The following WLS variants were observed in gnomAD, a reference collection of about 807,000 sequenced individuals.
The protein encoded by WLS is protein wntless homolog.
WLS carries 23 observed loss-of-function variants against 62.8 expected under a neutral mutation model. The ratio of observed to expected loss-of-function variants is 0.37; its 90% CI spans 0.26 to 0.52. WLS has a LOEUF of 0.52. WLS is among the 20% of genes least tolerant of loss of function. WLS has a pLI of 0.92. For missense variants in WLS, 615 were observed against 697.3 expected (o/e 0.88, Z 1.33); for synonymous variants, 246 against 244.1 (o/e 1.01, Z -0.07).
chr1:68,116,006 C>T (rs554578803), intron 11 of WLS, among the ~76,000 whole-genome samples: 5 of 152,214 alleles, frequency 3.3e-5, no homozygotes, highest in Non-Finnish European at 5.9e-5. Context: ...CTCTCCCCTG[C>T]AGCTGTCCTG....
intron 2 of WLS, among the ~76,000 whole-genome samples, chr1:68,183,847 A>C (rs1191120192): frequency 6.6e-6 from 1 of 152,106 alleles, no homozygotes; most frequent in Non-Finnish European, 1.5e-5. Context: ...TTAACTAGAA[A>C]TTTGTTATAC....
At chr1:68,173,522 C>G (rs1403085512) in intron 2 of WLS, among the ~76,000 whole-genome samples, 1 of 152,132 alleles carries the variant, frequency 6.6e-6, no homozygotes, top group Non-Finnish European at 1.5e-5. Context: ...CATTGTCATA[C>G]AGTAACCAGG....
chr1:68,100,198 G>T (rs1256297467), intron 11 of WLS, among the ~76,000 whole-genome samples: 1 of 152,164 alleles, frequency 6.6e-6, no homozygotes, highest in African/African-American at 2.4e-5. Context: ...GAAAGTCTAG[G>T]GGCCAAGCTC....
downstream of WLS, chr1:68,121,002 C>A (rs1646358043): frequency 6.6e-6 from 1 of 152,144 alleles, no homozygotes; most frequent in African/African-American, 2.4e-5. Context: ...AAAAATATTG[C>A]TGAATACAGA....
chr1:68,104,389 T>C (rs970015919), intron 11 of WLS, among the ~76,000 whole-genome samples: 2 of 152,272 alleles, frequency 1.3e-5, no homozygotes, highest in African/African-American at 4.8e-5. Flanking sequence ...ATAGTTCCAT[T>C]AATGCAGCTG....
At chr1:68,231,561 C>A in intron 1 of WLS, 1 of 298,918 alleles carries the variant, frequency 3.3e-6, no homozygotes. Context: ...CCCCATCCCA[C>A]CCAACCTCCC....
chr1:68,226,148 A>C (rs1293042175), intron 1 of WLS, among the ~76,000 whole-genome samples: 18 of 152,354 alleles, frequency 1.2e-4, no homozygotes, highest in East Asian at 7.7e-4. Context: ...GATTATAAAA[A>C]TGAGAAATCA....
intron 6 of WLS, 129 bp from the exon 7 acceptor site, chr1:68,148,789 G>T: frequency 1.3e-6 from 1 of 765,374 alleles, no homozygotes; most frequent in Non-Finnish European, 2.1e-6. Flanking sequence ...TAGATTCTAG[G>T]TATGAGAACA....
Position 68,125,957 on chromosome 1 carries a change from A to T in WLS, c.*269T>A. 1 of 1,205,622 alleles carries T rather than the reference A, an allele frequency of 8.3e-7. No homozygotes were observed. The allele number at this position is 1,205,622 out of a possible 1,614,324, so 74.7% of individuals were successfully genotyped here. A position where few individuals can be genotyped will look rare whatever the true frequency, so the allele number is the denominator to read the frequency against. On this transcript the variant is annotated 3_prime_UTR_variant, in exon 12 of 12. Coordinates refer to ENST00000262348, the MANE Select transcript of WLS (RefSeq NM_024911.7). Reference sequence around the variant, plus strand: ...TTACTAACCAGCTGCTACAGATGTTACTATGTCACTAATTAACAATGATCA... The same window carrying T: ...TTACTAACCAGCTGCTACAGATGTTTCTATGTCACTAATTAACAATGATCA...
intron 2 of WLS, among the ~76,000 whole-genome samples, chr1:68,180,697 T>C (rs1647513737): frequency 6.6e-6 from 1 of 152,134 alleles, no homozygotes; most frequent in Non-Finnish European, 1.5e-5. Context: ...ACAGCCTCTG[T>C]ACACTAGTGA....
intron 11 of WLS, among the ~76,000 whole-genome samples, chr1:68,127,826 G>C (rs1237720552): frequency 6.6e-6 from 1 of 152,162 alleles, no homozygotes. Context: ...TTTAAGAACT[G>C]CTAGGCATCA....
chr1:68,208,925 C>A (rs906716863), intron 1 of WLS, among the ~76,000 whole-genome samples: 5 of 152,164 alleles, frequency 3.3e-5, no homozygotes, highest in Admixed American at 6.5e-5. Context: ...GGGCTTCTCA[C>A]AATCAGAGAG....
At chr1:68,209,453 G>A (rs969378901) in intron 1 of WLS, among the ~76,000 whole-genome samples, 2 of 152,202 alleles carry the variant, frequency 1.3e-5, no homozygotes, top group South Asian at 4.1e-4. Context: ...CATTGTGCTA[G>A]GGACTTAACA....
intron 1 of WLS, among the ~76,000 whole-genome samples, chr1:68,213,632 G>A (rs1649610515): frequency 2.0e-5 from 3 of 151,832 alleles, no homozygotes; most frequent in Admixed American, 2.0e-4. Flanking sequence ...TGCACATCAA[G>A]TTGTATTTCA....
At chr1:68,122,514 A>G (rs1570827963), downstream of WLS, among the ~76,000 whole-genome samples, 3 of 152,336 alleles carry the variant, frequency 2.0e-5, no homozygotes, top group East Asian at 5.8e-4. Context: ...TTTCAGTTTG[A>G]TATAGCAATT....
intron 2 of WLS, among the ~76,000 whole-genome samples, chr1:68,177,571 A>C (rs544727015): frequency 6.6e-6 from 1 of 152,250 alleles, no homozygotes; most frequent in East Asian, 1.9e-4. Flanking sequence ...GCAGGAGGGC[A>C]GTGGCGCAAC....
rs1355481712 is a variant in WLS, at chr1:68,155,115, T to A, written c.650A>T (p.Lys217Met). 6.2e-7 allele frequency: 1 copy of A among 1,613,764 alleles called. No individual in the cohort carries two copies. The highest frequency in any genetic ancestry group is 8.5e-7 in the Non-Finnish European group (1 of 1,179,902). The change falls in exon 4 of 12, where the codon AAG (lysine) becomes ATG (methionine). Residue 217 changes from lysine to methionine, a missense_variant. Coordinates refer to ENST00000262348, the MANE Select transcript of WLS (RefSeq NM_024911.7). ...KKINVGIGEI[K>M]DIRLVGIHQN... Reference sequence around the variant, plus strand: ...TTCACTTACCACCAACCGGATATCCTTTATCTCCCCAATTCCCACATTGAT... The same window carrying A: ...TTCACTTACCACCAACCGGATATCCATTATCTCCCCAATTCCCACATTGAT...
intron 1 of WLS, among the ~76,000 whole-genome samples, chr1:68,218,181 T>C (rs898833687): frequency 1.3e-5 from 2 of 152,208 alleles, no homozygotes; most frequent in Non-Finnish European, 2.9e-5. Flanking sequence ...AAATATTCAG[T>C]CACATAAGGG....
At chr1:68,194,907 TA>T (rs1278630929) in intron 1 of WLS, among the ~76,000 whole-genome samples, 1 of 152,234 alleles carries the variant, frequency 6.6e-6, no homozygotes, top group Non-Finnish European at 1.5e-5. Flanking sequence ...TGTGTAACTT[TA>T]AAAACACTAT....
Sources: gnomAD v4.1 joint callset for allele counts (sites outside exome capture counted in the v4.1 genomes callset) on GRCh38, gnomAD v4.1.1 for gene constraint, MANE v1.5 for transcripts, NCBI Gene and HGNC (gene_info 2026-07-23, HGNC 2026-07-21) for gene names.